Variants in NLGN1 observed in about 807,000 individuals in gnomAD.
The protein encoded by NLGN1 is neuroligin-1.
In NLGN1, 12 loss-of-function variants were observed where a neutral mutation model predicts 65.5. The ratio of observed to expected loss-of-function variants is 0.18; its 90% CI spans 0.12 to 0.30. The LOEUF (loss-of-function observed/expected upper bound fraction) is 0.30. Among genes scored for constraint, NLGN1 ranks in the 10% least tolerant of loss-of-function variants. NLGN1 has a pLI of 1.00. For synonymous variants in NLGN1, 350 were observed against 359.5 expected (o/e 0.97, Z 0.30); for missense variants, 750 against 1,007.1 (o/e 0.74, Z 3.46).
At chr3:173,713,053 C>T (rs1255321181) in intron 3 of NLGN1, among the ~76,000 whole-genome samples, 1 of 152,058 alleles carries the variant, frequency 6.6e-6, no homozygotes, top group East Asian at 1.9e-4. Context: ...ATACAGTTAA[C>T]TCATGATTTC....
intron 4 of NLGN1, among the ~76,000 whole-genome samples, chr3:174,126,719 C>A (rs1231938430): frequency 6.6e-6 from 1 of 152,026 alleles, no homozygotes; most frequent in African/African-American, 2.4e-5. Flanking sequence ...GAAAACTAGA[C>A]CCTTGAAAAT....
At chr3:173,568,363 AGTT>A (rs1744061684) in intron 2 of NLGN1, among the ~76,000 whole-genome samples, 1 of 151,302 alleles carries the variant, frequency 6.6e-6, no homozygotes, top group South Asian at 2.1e-4. Context: ...CCTCCCGAGT[AGTT>A]GGGATTACAG....
intron 4 of NLGN1, among the ~76,000 whole-genome samples, chr3:173,995,816 A>T (rs559770136): frequency 1.7e-4 from 26 of 151,878 alleles, no homozygotes; most frequent in African/African-American, 5.6e-4. Context: ...TTTCCCAAGC[A>T]TCTGGGACTC....
intron 4 of NLGN1, among the ~76,000 whole-genome samples, chr3:174,226,664 T>G (rs1739764556): frequency 6.6e-6 from 1 of 152,172 alleles, no homozygotes; most frequent in East Asian, 1.9e-4. Context: ...TTTAAGTATT[T>G]TACAACATAA....
chr3:174,257,338 G>C (rs115303085), intron 4 of NLGN1, among the ~76,000 whole-genome samples: 1,777 of 152,234 alleles, frequency 0.012, 32 homozygotes, highest in East Asian at 0.029. Context: ...AATTGTGAAA[G>C]AGAATGTGGC....
At chr3:174,007,143 C>T (rs904724438) in intron 4 of NLGN1, among the ~76,000 whole-genome samples, 1 of 152,084 alleles carries the variant, frequency 6.6e-6, no homozygotes, top group African/African-American at 2.4e-5. Context: ...GAGGAAAGAC[C>T]ATGCGGAGCA....
At chr3:173,694,179 C>T (rs944856201) in intron 3 of NLGN1, among the ~76,000 whole-genome samples, 23 of 151,918 alleles carry the variant, frequency 1.5e-4, no homozygotes, top group African/African-American at 3.4e-4. Flanking sequence ...CTGTTTTTTT[C>T]TCTCTCTCTT....
chr3:174,157,336 C>T (rs1024371895), intron 4 of NLGN1, among the ~76,000 whole-genome samples: 1 of 151,636 alleles, frequency 6.6e-6, no homozygotes, highest in Non-Finnish European at 1.5e-5. Flanking sequence ...TGCGTATTAG[C>T]ATATTAAGGA....
intron 4 of NLGN1, among the ~76,000 whole-genome samples, chr3:174,138,443 T>C (rs1034055406): frequency 6.6e-6 from 1 of 150,886 alleles, no homozygotes; most frequent in Admixed American, 6.6e-5. Flanking sequence ...CTTTTTTTTT[T>C]TTTTTTTGTG....
chr3:174,169,776 A>G (rs1246333745), intron 4 of NLGN1, among the ~76,000 whole-genome samples: 4 of 152,142 alleles, frequency 2.6e-5, no homozygotes, highest in African/African-American at 7.2e-5. Flanking sequence ...CTGTAGCTGT[A>G]GCAGCTCTCT....
At chr3:173,699,946 A>G (rs1323986438) in intron 3 of NLGN1, among the ~76,000 whole-genome samples, 3 of 152,226 alleles carry the variant, frequency 2.0e-5, no homozygotes, top group Admixed American at 6.5e-5. Context: ...AGTGCACTGG[A>G]GCATAATTTA....
intron 3 of NLGN1, among the ~76,000 whole-genome samples, 158 bp from the exon 3 acceptor site, chr3:173,605,376 C>A (rs902522685): frequency 1.3e-5 from 2 of 152,016 alleles, no homozygotes; most frequent in East Asian, 1.9e-4. Context: ...TGAGAAGATG[C>A]ATCAACATTT....
chr3:174,086,921 G>T lies in NLGN1; in HGVS notation c.647-188394G>T, dbSNP rs189770787. 6.9e-3 allele frequency among the ~76,000 whole-genome samples: 1,043 copies of T among 152,148 alleles called. 11 individuals carry two copies. Among genetic ancestry groups the T allele is most frequent in the African/African-American group, 0.024 (1,000 of 41,510 alleles). ...TCTTTTAGCATCCAAAATGTAATCT[G>T]GAAATGTGGTGTAAAATATTTCCTG... On this transcript the variant is annotated intron_variant, in intron 4 of 6. Coordinates refer to ENST00000457714, the Ensembl canonical transcript of NLGN1.
intron 4 of NLGN1, among the ~76,000 whole-genome samples, chr3:174,252,617 A>C (rs1744984079): frequency 6.6e-6 from 1 of 152,138 alleles, no homozygotes; most frequent in African/African-American, 2.4e-5. Context: ...CATTTGAAAA[A>C]TTATATGGTC....
At chr3:173,861,207 CAAATT>C (rs1460887533) in intron 4 of NLGN1, among the ~76,000 whole-genome samples, 3 of 151,678 alleles carry the variant, frequency 2.0e-5, no homozygotes, top group Non-Finnish European at 4.4e-5. Flanking sequence ...ATAAAGCTAA[CAAATT>C]AAATGGTAGA....
At chr3:173,453,023 C>T (rs766149959) in intron 2 of NLGN1, among the ~76,000 whole-genome samples, 14 of 151,674 alleles carry the variant, frequency 9.2e-5, no homozygotes, top group Non-Finnish European at 1.5e-4. Flanking sequence ...AAGGTTGTGT[C>T]TTAATGGTGA....
chr3:174,011,299 C>T (rs576522704), intron 4 of NLGN1, among the ~76,000 whole-genome samples: 1 of 152,276 alleles, frequency 6.6e-6, no homozygotes, highest in African/African-American at 2.4e-5. Context: ...TGGCTTTTCC[C>T]TTCTTTCAGC....
In NLGN1 at chr3:173,614,752, C is replaced by A. The variant is rs577108184; in HGVS notation, c.493+9661C>A. 4.6e-5 allele frequency among the ~76,000 whole-genome samples: 7 copies of A among 152,168 alleles called. No homozygotes were observed. The East Asian group carries it at 1.2e-3, about 25-fold the overall frequency. Reference sequence around the variant, plus strand: ...CACCCACTTGGACAGCTTCCTCATCCCTCACACATATGTATATGGAGACAC... The same window carrying A: ...CACCCACTTGGACAGCTTCCTCATCACTCACACATATGTATATGGAGACAC... On this transcript the variant is annotated intron_variant, in intron 3 of 6. Transcript: ENST00000457714.
intron 3 of NLGN1, among the ~76,000 whole-genome samples, chr3:173,793,910 G>T (rs1256839306): frequency 1.3e-5 from 2 of 152,068 alleles, no homozygotes; most frequent in South Asian, 2.1e-4. Flanking sequence ...TTGCTTTTAA[G>T]ATTAAGACAA....
Sources: gnomAD v4.1 joint callset for allele counts (sites outside exome capture counted in the v4.1 genomes callset) on GRCh38, gnomAD v4.1.1 for gene constraint, MANE v1.5 for transcripts, NCBI Gene and HGNC (gene_info 2026-07-23, HGNC 2026-07-21) for gene names.